The following PLPPR1 variants were observed in gnomAD, a reference collection of about 807,000 sequenced individuals.
PLPPR1 encodes phospholipid phosphatase related 1.
A neutral mutation model predicts 33.1 loss-of-function variants in PLPPR1; 10 were observed. The observed-to-expected ratio is 0.30, with a 90% confidence interval of 0.19 to 0.51. The LOEUF (loss-of-function observed/expected upper bound fraction) is 0.51. Among genes scored for constraint, PLPPR1 ranks in the 20% least tolerant of loss-of-function variants. The pLI, the probability that PLPPR1 is intolerant of heterozygous loss-of-function variation, is 0.97. For missense variants in PLPPR1, 304 were observed against 408.1 expected (o/e 0.74, Z 2.20); for synonymous variants, 151 against 151.0 (o/e 1.00, Z 0.00).
intron 2 of PLPPR1, among the ~76,000 whole-genome samples, chr9:101,195,281 A>T (rs1310967091): frequency 6.6e-6 from 1 of 152,208 alleles, no homozygotes; most frequent in Non-Finnish European, 1.5e-5. Context: ...AGGGAATTGC[A>T]TTCCACAAAT....
chr9:101,082,136 A>C (rs538651952), intron 1 of PLPPR1, among the ~76,000 whole-genome samples: 1 of 152,184 alleles, frequency 6.6e-6, no homozygotes, highest in African/African-American at 2.4e-5. Context: ...GTGGAGGGGA[A>C]TAAGGGGCTC....
chr9:101,174,991 A>G (rs893402016), intron 1 of PLPPR1, among the ~76,000 whole-genome samples: 1 of 152,204 alleles, frequency 6.6e-6, no homozygotes, highest in Non-Finnish European at 1.5e-5. Context: ...ATGAGCTTCA[A>G]GTACATAAAC....
intron 1 of PLPPR1, among the ~76,000 whole-genome samples, chr9:101,042,275 CA>C (rs1177630140): frequency 6.6e-6 from 1 of 152,206 alleles, no homozygotes; most frequent in African/African-American, 2.4e-5. Flanking sequence ...CCCTCTCTCA[CA>C]AACTCTCCAC....
At chr9:101,088,283 C>T (rs2118526372) in intron 1 of PLPPR1, among the ~76,000 whole-genome samples, 1 of 152,050 alleles carries the variant, frequency 6.6e-6, no homozygotes, top group South Asian at 2.1e-4. Flanking sequence ...AGCAAATTTC[C>T]AATATGTGCA....
intron 1 of PLPPR1, among the ~76,000 whole-genome samples, chr9:101,077,496 G>A (rs1830553539): frequency 6.6e-6 from 1 of 152,126 alleles, no homozygotes. Context: ...TTCAAATAGT[G>A]CTAATTAAGT....
intron 1 of PLPPR1, among the ~76,000 whole-genome samples, chr9:101,113,457 C>T (rs901324068): frequency 2.6e-5 from 4 of 151,978 alleles, no homozygotes; most frequent in Non-Finnish European, 1.5e-5. Context: ...GGAAATAGAT[C>T]TCTTATAAGA....
chr9:101,218,679 A>C (rs1353594140), intron 2 of PLPPR1, among the ~76,000 whole-genome samples: 12 of 152,330 alleles, frequency 7.9e-5, no homozygotes, highest in African/African-American at 2.6e-4. Context: ...AGTTTATTTC[A>C]TTTTTAGTTC....
At chr9:101,164,355 C>A (rs1277257581) in intron 1 of PLPPR1, among the ~76,000 whole-genome samples, 1 of 98,018 alleles carries the variant, frequency 1.0e-5, no homozygotes, top group South Asian at 3.1e-4. Context: ...TTGCTATTTT[C>A]TTTTCTTTTC....
chr9:101,089,385 T>C (rs1468721060), intron 1 of PLPPR1, among the ~76,000 whole-genome samples: 1 of 152,160 alleles, frequency 6.6e-6, no homozygotes, highest in Non-Finnish European at 1.5e-5. Flanking sequence ...TTTAATTAAA[T>C]ATATTTTGAA....
At chr9:101,155,954 T>C (rs1005397422) in intron 1 of PLPPR1, among the ~76,000 whole-genome samples, 6 of 152,108 alleles carry the variant, frequency 3.9e-5, no homozygotes, top group Admixed American at 3.9e-4. Flanking sequence ...CAAGAGCAAA[T>C]ATGAATATAA....
intron 1 of PLPPR1, among the ~76,000 whole-genome samples, chr9:101,051,825 C>T (rs1830226080): frequency 6.6e-6 from 1 of 152,152 alleles, no homozygotes. Flanking sequence ...TTGGTGATAA[C>T]CTCTATTTAC....
intron 7 of PLPPR1, among the ~76,000 whole-genome samples, chr9:101,319,887 C>T (rs946543939): frequency 6.6e-6 from 1 of 152,110 alleles, no homozygotes; most frequent in South Asian, 2.1e-4. Flanking sequence ...TGCTATCCCC[C>T]GAATATCCTG....
At chr9:101,221,425 C>T (rs1826936469) in intron 2 of PLPPR1, among the ~76,000 whole-genome samples, 1 of 152,200 alleles carries the variant, frequency 6.6e-6, no homozygotes, top group African/African-American at 2.4e-5. Flanking sequence ...GGAGAGGCTT[C>T]CCCAGCTGGC....
At chr9:101,066,930 A>G (rs1365445192) in intron 1 of PLPPR1, among the ~76,000 whole-genome samples, 1 of 151,994 alleles carries the variant, frequency 6.6e-6, no homozygotes, top group Non-Finnish European at 1.5e-5. Context: ...CCTACCATTT[A>G]TTGAAGAGCT....
chr9:101,102,863 T>C (rs1830925872), intron 1 of PLPPR1, among the ~76,000 whole-genome samples: 1 of 90,902 alleles, frequency 1.1e-5, no homozygotes, highest in African/African-American at 4.9e-5. Flanking sequence ...TGATATCTCA[T>C]AGTGGTTTTG....
chr9:101,095,924 A>G (rs1023383477), intron 1 of PLPPR1, among the ~76,000 whole-genome samples: 1 of 152,188 alleles, frequency 6.6e-6, no homozygotes, highest in Non-Finnish European at 1.5e-5. Flanking sequence ...TTGTAACATC[A>G]TGAAGTAGAA....
At chr9:101,243,928 G>A (rs903526425) in intron 2 of PLPPR1, among the ~76,000 whole-genome samples, 5 of 151,882 alleles carry the variant, frequency 3.3e-5, no homozygotes, top group Admixed American at 2.6e-4. Flanking sequence ...AGAATACGGA[G>A]TTGATGGTAG....
intron 4 of PLPPR1, among the ~76,000 whole-genome samples, chr9:101,291,104 C>G (rs925158662): frequency 2.6e-5 from 4 of 152,190 alleles, no homozygotes; most frequent in African/African-American, 9.6e-5. Flanking sequence ...TTTCCGACAA[C>G]AGGCTTAAAA....
At chr9:101,202,828 G>A (rs190936543) in intron 2 of PLPPR1, among the ~76,000 whole-genome samples, 13 of 152,248 alleles carry the variant, frequency 8.5e-5, no homozygotes, top group Non-Finnish European at 1.3e-4. Flanking sequence ...ATTCCCAGAG[G>A]CATTGAATTT....
Sources: allele counts gnomAD v4.1 joint callset (sites outside exome capture counted in the v4.1 genomes callset), GRCh38; gene constraint gnomAD v4.1.1; transcripts MANE v1.5; gene names NCBI Gene and HGNC (gene_info 2026-07-23, HGNC 2026-07-21).